SOX5: variants seen among roughly 807,000 people sequenced by gnomAD.
SOX5 encodes the protein SRY-box transcription factor 5.
A neutral mutation model predicts 92.0 loss-of-function variants in SOX5; 9 were observed. The observed-to-expected ratio is 0.10, with a 90% CI of 0.06 to 0.17. SOX5 has a LOEUF of 0.17. Among genes scored for constraint, SOX5 ranks in the 10% least tolerant of loss-of-function variants. The probability of loss-of-function intolerance (pLI) is 1.00; values close to 1 mark genes in which losing one functional copy is unlikely to be tolerated. For synonymous variants in SOX5, 344 were observed against 336.3 expected (o/e 1.02, Z -0.25); for missense variants, 642 against 944.5 (o/e 0.68, Z 4.20).
At chr12:24,401,164 C>G (rs1450799694) in intron 1 of SOX5, among the ~76,000 whole-genome samples, 2 of 151,902 alleles carry the variant, frequency 1.3e-5, no homozygotes, top group Non-Finnish European at 2.9e-5. Flanking sequence ...CCAACCTGGC[C>G]AACAAGGTGA....
intron 8 of SOX5, among the ~76,000 whole-genome samples, chr12:23,623,841 C>T (rs11047008): frequency 0.53 from 80,044 of 151,728 alleles, 21,265 homozygotes; most frequent in South Asian, 0.59. Context: ...GGGTATATAC[C>T]GAAAATGGAC....
chr12:24,218,704 C>T (rs978236512), intron 3 of SOX5, among the ~76,000 whole-genome samples: 1 of 152,076 alleles, frequency 6.6e-6, no homozygotes, highest in Non-Finnish European at 1.5e-5. Flanking sequence ...AACTTAGTCT[C>T]ATTATCTTTT....
intron 1 of SOX5, among the ~76,000 whole-genome samples, chr12:24,433,492 A>G (rs1015516916): frequency 6.6e-6 from 1 of 152,222 alleles, no homozygotes; most frequent in Non-Finnish European, 1.5e-5. Context: ...AGTGGTAAGG[A>G]TAGACATTTG....
At chr12:24,342,959 G>T (rs930907764) in intron 2 of SOX5, among the ~76,000 whole-genome samples, 1 of 152,210 alleles carries the variant, frequency 6.6e-6, no homozygotes, top group Non-Finnish European at 1.5e-5. Context: ...CACCAAGTAT[G>T]TCGCTAAATA....
At chr12:24,078,657 T>C (rs1942948066) in intron 4 of SOX5, among the ~76,000 whole-genome samples, 1 of 152,022 alleles carries the variant, frequency 6.6e-6, no homozygotes, top group Admixed American at 6.6e-5. Context: ...GAGAACTCTG[T>C]GATACACTGT....
chr12:23,610,790 TG>T (rs2075857248), intron 8 of SOX5, among the ~76,000 whole-genome samples: 2 of 152,062 alleles, frequency 1.3e-5, no homozygotes, highest in Admixed American at 1.3e-4. Flanking sequence ...ATAACCTCAT[TG>T]TAGTCATAAT....
intron 7 of SOX5, among the ~76,000 whole-genome samples, chr12:23,660,856 A>C (rs1245631854): frequency 6.6e-6 from 1 of 152,232 alleles, no homozygotes; most frequent in African/African-American, 2.4e-5. Flanking sequence ...TATTTAGTAA[A>C]GTCCAAAGAA....
chr12:24,147,806 T>G (rs568584447), intron 4 of SOX5, among the ~76,000 whole-genome samples: 1 of 152,194 alleles, frequency 6.6e-6, no homozygotes, highest in Non-Finnish European at 1.5e-5. Context: ...ACATTTACAA[T>G]AGTATCAATT....
chr12:23,845,605 G>T (rs187101317), intron 3 of SOX5, among the ~76,000 whole-genome samples: 2 of 151,196 alleles, frequency 1.3e-5, no homozygotes, highest in East Asian at 2.0e-4. Flanking sequence ...ATGTGTAAAG[G>T]TTACAAAATG....
intron 6 of SOX5, among the ~76,000 whole-genome samples, chr12:23,681,742 T>C (rs1345932756): frequency 6.6e-6 from 1 of 151,812 alleles, no homozygotes; most frequent in Non-Finnish European, 1.5e-5. Flanking sequence ...AAGTTATTAC[T>C]GCTTCAGCAC....
chr12:24,273,486 C>T lies in SOX5; in HGVS notation c.-77+3730G>A, dbSNP rs1944030401. 2.0e-5 allele frequency among the ~76,000 whole-genome samples: 3 copies of T among 152,124 alleles called. No homozygotes were observed. In the South Asian group the frequency reaches 6.2e-4, roughly 31 times the overall value. On this transcript the variant is annotated intron_variant, in intron 3 of 4. Coordinates refer to the SOX5 transcript ENST00000446891. ...TATATTTACCCCAAAAAAATTTATACGTATTTCTTACCAGCTGTTTGATAT... is the reference window on the plus strand; with the variant it reads ...TATATTTACCCCAAAAAAATTTATATGTATTTCTTACCAGCTGTTTGATAT...
intron 3 of SOX5, among the ~76,000 whole-genome samples, chr12:23,811,897 G>A (rs2095880890): frequency 6.6e-6 from 1 of 151,890 alleles, no homozygotes; most frequent in African/African-American, 2.4e-5. Flanking sequence ...TTTTAAAAAA[G>A]ACTTATCTCT....
intron 1 of SOX5, among the ~76,000 whole-genome samples, chr12:24,450,351 G>A (rs1027395136): frequency 9.2e-5 from 14 of 151,948 alleles, no homozygotes; most frequent in Non-Finnish European, 2.1e-4. Flanking sequence ...TTTAATTTTT[G>A]TGGCTACATA....
At chr12:23,549,060 G>A (rs1191003729) in intron 11 of SOX5, among the ~76,000 whole-genome samples, 2 of 151,842 alleles carry the variant, frequency 1.3e-5, no homozygotes, top group African/African-American at 2.4e-5. Context: ...AACCATTTGA[G>A]GTTCTGTTCT....
chr12:23,792,907 T>C lies in SOX5; in HGVS notation c.482-37183A>G, dbSNP rs141626363. ...GAAGACAACTCACCTCTTCCTTCTG[T>C]TCTCTGTCACTAAGTAGTCTTAAAG... On this transcript the variant is annotated intron_variant, in intron 3 of 14. Coordinates refer to ENST00000451604, the MANE Select transcript of SOX5 (RefSeq NM_006940.6). 5.9e-5 allele frequency among the ~76,000 whole-genome samples: 9 copies of C among 152,270 alleles called. No individual in the cohort carries two copies. The East Asian group carries it at 1.7e-3, about 29-fold the overall frequency.
chr12:24,014,105 T>C (rs1443573418), intron 4 of SOX5, among the ~76,000 whole-genome samples: 1 of 152,180 alleles, frequency 6.6e-6, no homozygotes, highest in Admixed American at 6.6e-5. Flanking sequence ...TACTTTCCTT[T>C]TATTAGCAAT....
chr12:23,633,818 T>A (rs1455218313), intron 8 of SOX5, among the ~76,000 whole-genome samples: 1 of 152,190 alleles, frequency 6.6e-6, no homozygotes, highest in African/African-American at 2.4e-5. Context: ...ACACACACTA[T>A]CACATAATAT....
At chr12:24,081,585 T>A (rs1322316846) in intron 4 of SOX5, among the ~76,000 whole-genome samples, 1 of 151,962 alleles carries the variant, frequency 6.6e-6, no homozygotes, top group East Asian at 1.9e-4. Flanking sequence ...GTAGGACCTT[T>A]ATTAAATTAG....
intron 4 of SOX5, among the ~76,000 whole-genome samples, chr12:24,193,517 C>T (rs1028421855): frequency 2.0e-5 from 3 of 152,184 alleles, no homozygotes; most frequent in Admixed American, 6.6e-5. Context: ...AGTATCACTA[C>T]CACATTTTAA....
Sources: gnomAD v4.1 joint callset for allele counts (sites outside exome capture counted in the v4.1 genomes callset) on GRCh38, gnomAD v4.1.1 for gene constraint, MANE v1.5 for transcripts, NCBI Gene and HGNC (gene_info 2026-07-23, HGNC 2026-07-21) for gene names.